MYCBP2: variants seen among roughly 807,000 people sequenced by gnomAD.
The protein encoded by MYCBP2 is E3 ubiquitin-protein ligase MYCBP2.
Under a neutral mutation model 525.3 loss-of-function variants are expected in MYCBP2, and 120 were observed. The observed-to-expected ratio is 0.23, with a 90% CI of 0.20 to 0.27. The LOEUF is 0.27. MYCBP2 is among the 10% of genes least tolerant of loss of function. The pLI, the probability that MYCBP2 is intolerant of heterozygous loss-of-function variation, is 1.00. For missense variants in MYCBP2, 4,149 were observed against 5,657.1 expected, an observed-to-expected ratio of 0.73 and a Z score of 8.55; for synonymous variants, 1,894 against 1,955.8, an observed-to-expected ratio of 0.97 and a Z score of 0.83.
At chr13:77,227,997 A>T (rs1331197641) in intron 18 of MYCBP2, among the ~76,000 whole-genome samples, 1 of 152,136 alleles carries the variant, frequency 6.6e-6, no homozygotes, top group Non-Finnish European at 1.5e-5. Flanking sequence ...CAAGTAAAAA[A>T]ATTGAGATGA....
chr13:77,180,437 T>C, intron 33 of MYCBP2, 119 bp from the exon 34 acceptor site: 2 of 827,820 alleles, frequency 2.4e-6, no homozygotes, highest in East Asian at 5.2e-5. Context: ...AGGGTCAATT[T>C]CTACAAATCT....
At chr13:77,285,293 A>T (rs1320367111) in intron 3 of MYCBP2, among the ~76,000 whole-genome samples, 5 of 152,220 alleles carry the variant, frequency 3.3e-5, no homozygotes, top group African/African-American at 4.8e-5. Flanking sequence ...ACTATAATAC[A>T]GTGTGACTCA....
chr13:77,288,076 G>T, intron 3 of MYCBP2, 85 bp downstream of exon 3: 1 of 1,322,968 alleles, frequency 7.6e-7, no homozygotes, highest in Non-Finnish European at 1.0e-6. Context: ...ATAAAGCAAA[G>T]TATTTTAGCA....
chr13:77,106,077 G>A (rs1209996750), intron 55 of MYCBP2, among the ~76,000 whole-genome samples: 1 of 152,040 alleles, frequency 6.6e-6, no homozygotes, highest in East Asian at 1.9e-4. Flanking sequence ...ACAAATGGTG[G>A]TTTTGCTGTA....
chr13:77,122,544 C>G (rs1219771134), intron 54 of MYCBP2, among the ~76,000 whole-genome samples: 1 of 151,888 alleles, frequency 6.6e-6, no homozygotes, highest in Non-Finnish European at 1.5e-5. Flanking sequence ...AAAAAATTAG[C>G]CGGGCGTGGT....
intron 20 of MYCBP2, among the ~76,000 whole-genome samples, chr13:77,223,556 G>A (rs541619608): frequency 6.6e-6 from 1 of 152,098 alleles, no homozygotes; most frequent in Non-Finnish European, 1.5e-5. Flanking sequence ...CAAGTAAGAG[G>A]GACTTCAAGA....
chr13:77,213,426 G>A (rs1328378138), intron 21 of MYCBP2, among the ~76,000 whole-genome samples: 4 of 152,038 alleles, frequency 2.6e-5, no homozygotes, highest in African/African-American at 2.4e-5. Context: ...AGTGAGCTGA[G>A]ATCATCATGC....
intron 17 of MYCBP2, among the ~76,000 whole-genome samples, chr13:77,237,789 A>G (rs1179462220): frequency 6.6e-6 from 1 of 152,178 alleles, no homozygotes; most frequent in African/African-American, 2.4e-5. Context: ...CTCTTTGTAT[A>G]AAGGGTTATG....
At chr13:77,162,782 G>A (rs906996048) in intron 43 of MYCBP2, among the ~76,000 whole-genome samples, 7 of 151,992 alleles carry the variant, frequency 4.6e-5, no homozygotes, top group Middle Eastern at 3.4e-3. Flanking sequence ...CCAGCCTCCC[G>A]AGTAGCTGGG....
intron 5 of MYCBP2, 23 bp downstream of exon 5, chr13:77,273,449 A>C: frequency 6.5e-7 from 1 of 1,538,026 alleles, no homozygotes; most frequent in Non-Finnish European, 8.7e-7. Context: ...ATAAACTTCT[A>C]AGCAGATATA....
chr13:77,095,420 T>C lies in MYCBP2; in HGVS notation c.10137A>G (p.Lys3379=), dbSNP rs1297847403. Residue 3379 remains lysine, a synonymous_variant, in exon 58 of 83, where the codon AAA becomes AAG. Transcript: ENST00000544440. ...CAGGAAGATCCTCAGAAATGCCTTC[T>C]TTTACACTGGGCAACTGAGATTGGA... The part of the protein sequence containing the change: ...KPFQSQLPSV[K]EGISEDLPVK... 1 of 1,613,520 alleles carries C rather than the reference T, an allele frequency of 6.2e-7. No individual in the cohort carries two copies. The highest frequency in any genetic ancestry group is 1.7e-5 in the Admixed American group (1 of 59,912).
In MYCBP2 at chr13:77,160,692, T is replaced by C. The variant is rs192124444; in HGVS notation, c.6597+1214A>G. Among the ~76,000 whole-genome samples, 203 of 152,318 alleles carry C rather than the reference T, an allele frequency of 1.3e-3. 2 individuals are homozygous for C. Among genetic ancestry groups the C allele is most frequent in the African/African-American group, 4.1e-3 (169 of 41,572 alleles). ...AAACCTATGAAGTGCTCTACAGATATTATTTAAATCACTATTACTAACTAC... is the reference window on the plus strand; with the variant it reads ...AAACCTATGAAGTGCTCTACAGATACTATTTAAATCACTATTACTAACTAC... On this transcript the variant is annotated intron_variant, in intron 44 of 82. Coordinates refer to ENST00000544440, the MANE Select transcript of MYCBP2 (RefSeq NM_015057.5).
intron 1 of MYCBP2, among the ~76,000 whole-genome samples, chr13:77,325,438 G>A (rs1056004349): frequency 1.3e-5 from 2 of 152,198 alleles, no homozygotes; most frequent in African/African-American, 2.4e-5. Context: ...CAGGGTATGC[G>A]GCATGTAAGG....
At chr13:77,115,755 G>A (rs1026876536) in intron 55 of MYCBP2, among the ~76,000 whole-genome samples, 2 of 151,276 alleles carry the variant, frequency 1.3e-5, no homozygotes, top group African/African-American at 2.4e-5. Flanking sequence ...CCATGCACCG[G>A]TTGATGTGTG....
chr13:77,132,933 T>A (rs185557615), intron 52 of MYCBP2, among the ~76,000 whole-genome samples: 22 of 152,300 alleles, frequency 1.4e-4, no homozygotes, highest in Non-Finnish European at 2.9e-4. Context: ...TTAAAATCAA[T>A]CAATGTTCCC....
At chr13:77,176,411 C>A in intron 36 of MYCBP2, 86 bp downstream of exon 36, 1 of 1,239,840 alleles carries the variant, frequency 8.1e-7, no homozygotes, top group Non-Finnish European at 1.1e-6. Context: ...CTATAGGTAA[C>A]AAACAAAATT....
chr13:77,056,892 T>G (rs1594086431), intron 79 of MYCBP2, 94 bp downstream of exon 79: 1 of 946,110 alleles, frequency 1.1e-6, no homozygotes. Flanking sequence ...GGCTGGTGGG[T>G]AAAACCAAGA....
chr13:77,303,514 G>A (rs969781220), intron 1 of MYCBP2, among the ~76,000 whole-genome samples: 6 of 151,870 alleles, frequency 4.0e-5, no homozygotes, highest in Non-Finnish European at 7.4e-5. Context: ...TGAATGATAA[G>A]GTAATTCTCT....
chr13:77,103,363 T>A (rs2047365656), intron 55 of MYCBP2: 1 of 396,662 alleles, frequency 2.5e-6, no homozygotes, highest in Non-Finnish European at 4.5e-6. Context: ...GGAAAAAAAA[T>A]TTAGCAGAGA....
Sources: allele counts gnomAD v4.1 joint callset (sites outside exome capture counted in the v4.1 genomes callset), GRCh38; gene constraint gnomAD v4.1.1; transcripts MANE v1.5; gene names NCBI Gene and HGNC (gene_info 2026-07-23, HGNC 2026-07-21).